Variants in MTCL2 observed in about 807,000 individuals in gnomAD.
MTCL2 encodes the protein microtubule cross-linking factor 2.
At chr20:36,810,157 A>G in the MTCL2 span, 8 of 1,537,988 alleles carry the variant, frequency 5.2e-6, no homozygotes, top group Non-Finnish European at 7.0e-6. Flanking sequence ...AGAGAGGAAG[A>G]AGTGGATAGA....
At chr20:36,823,708 T>C in the MTCL2 span, among the ~76,000 whole-genome samples, 2 of 152,136 alleles carry the variant, frequency 1.3e-5, no homozygotes, top group African/African-American at 2.4e-5. Flanking sequence ...CTTGGGATGC[T>C]GAGGCAGGAG....
At chr20:36,833,666 T>C in the MTCL2 span, among the ~76,000 whole-genome samples, 13 of 151,246 alleles carry the variant, frequency 8.6e-5, no homozygotes, top group East Asian at 1.8e-3. Flanking sequence ...CTGAGCAAAA[T>C]AGGGAGACCC....
the MTCL2 span, among the ~76,000 whole-genome samples, chr20:36,834,944 G>A: frequency 6.6e-6 from 1 of 151,716 alleles, no homozygotes; most frequent in Non-Finnish European, 1.5e-5. Context: ...AGAGGTTGCT[G>A]AGATCACACC....
chr20:36,845,254 C>A, the MTCL2 span, among the ~76,000 whole-genome samples: 3 of 152,200 alleles, frequency 2.0e-5, no homozygotes, highest in Admixed American at 6.5e-5. Context: ...TATTTCCCCC[C>A]CTAAAAGGGC....
chr20:36,850,250 A>C, the MTCL2 span, among the ~76,000 whole-genome samples: 5 of 152,070 alleles, frequency 3.3e-5, no homozygotes, highest in Non-Finnish European at 5.9e-5. Flanking sequence ...CACCTCCAGC[A>C]GAGCGCAGTG....
the MTCL2 span, among the ~76,000 whole-genome samples, chr20:36,819,127 G>A: frequency 6.6e-6 from 1 of 152,070 alleles, no homozygotes; most frequent in African/African-American, 2.4e-5. Context: ...GCCCTACAGA[G>A]GGAATTGGAG....
chr20:36,810,753 T>TCTCTCTCTCTCTCTCTCTCTCTC, the MTCL2 span, among the ~76,000 whole-genome samples: 19 of 146,626 alleles, frequency 1.3e-4, no homozygotes, highest in East Asian at 2.0e-4. Context: ...TCTCTCTCTC[T>TCTCTCTCTCTCTCTCTCTCTCTC]TTCAACGGAG....
the MTCL2 span, chr20:36,794,230 TGTG>T: frequency 6.5e-7 from 1 of 1,549,386 alleles, no homozygotes; most frequent in Non-Finnish European, 8.7e-7. This position sits in a 1 kb window ranked among gnomAD's most constrained non-coding sequence, Gnocchi z 5.4. Context: ...TGGGCTTGGC[TGTG>T]GTGAAGAGGA....
chr20:36,826,356 CTCCCCCTCCCCCCT>C, the MTCL2 span, among the ~76,000 whole-genome samples: 1 of 17,110 alleles, frequency 5.8e-5, no homozygotes, highest in African/African-American at 2.4e-4. Context: ...CCCCTCCCCC[CTCCCCCTCCCCCCT>C]CCCTCTCCTT....
the MTCL2 span, among the ~76,000 whole-genome samples, chr20:36,854,114 G>A: frequency 6.6e-6 from 1 of 152,132 alleles, no homozygotes; most frequent in African/African-American, 2.4e-5. Context: ...TCACACCCCT[G>A]CCATTCCCCC....
chr20:36,814,870 G>C, the MTCL2 span, among the ~76,000 whole-genome samples: 2 of 152,148 alleles, frequency 1.3e-5, no homozygotes, highest in African/African-American at 2.4e-5. Context: ...CTGGGTGACA[G>C]AGCGAGACTC....
chr20:36,812,699 C>A, the MTCL2 span: 2 of 1,613,914 alleles, frequency 1.2e-6, no homozygotes, highest in South Asian at 1.1e-5. Context: ...CAGGCCTAGA[C>A]CCACCTCAGA....
At chr20:36,862,138 T>A in the MTCL2 span, among the ~76,000 whole-genome samples, 2 of 152,318 alleles carry the variant, frequency 1.3e-5, no homozygotes, top group Middle Eastern at 3.4e-3. Flanking sequence ...CCAGATGTCA[T>A]GCTTTCAAAC....
the MTCL2 span, among the ~76,000 whole-genome samples, chr20:36,860,174 C>T: frequency 1.8e-4 from 27 of 152,166 alleles, no homozygotes; most frequent in African/African-American, 6.3e-4. Flanking sequence ...CTGGCCTTAG[C>T]GCTGTTCTTG....
the MTCL2 span, among the ~76,000 whole-genome samples, chr20:36,813,752 CAAAAA>C: frequency 1.2e-4 from 8 of 65,846 alleles, no homozygotes; most frequent in Non-Finnish European, 1.8e-4. Flanking sequence ...GACTCTGTCT[CAAAAA>C]AAAAAAAAAA....
At chr20:36,798,358 G>A in the MTCL2 span, among the ~76,000 whole-genome samples, 6 of 152,202 alleles carry the variant, frequency 3.9e-5, no homozygotes, top group African/African-American at 9.6e-5. Flanking sequence ...GTGAGGCACC[G>A]CGTCTGGCCG....
chr20:36,817,053 G>C, the MTCL2 span, among the ~76,000 whole-genome samples: 1 of 152,044 alleles, frequency 6.6e-6, no homozygotes, highest in African/African-American at 2.4e-5. Context: ...GATTGCTTGA[G>C]GCCAGGAGTT....
the MTCL2 span, among the ~76,000 whole-genome samples, chr20:36,855,295 A>C: frequency 6.6e-6 from 1 of 152,218 alleles, no homozygotes; most frequent in South Asian, 2.1e-4. Context: ...AGAAAGGAAA[A>C]GGCAGAGCTG....
At chr20:36,794,110 G>C in the MTCL2 span, 2 of 1,551,316 alleles carry the variant, frequency 1.3e-6, no homozygotes, top group African/African-American at 1.4e-5. This position sits in a 1 kb window ranked among gnomAD's most constrained non-coding sequence, Gnocchi z 5.4. Context: ...AGCCAGGCCC[G>C]GCCGCCGAGG....
Sources: gnomAD v4.1 joint callset for allele counts (sites outside exome capture counted in the v4.1 genomes callset) on GRCh38, gnomAD v4.1.1 for gene constraint, Gnocchi (gnomAD v3.1) non-coding constraint, MANE v1.5 for transcripts, NCBI Gene and HGNC (gene_info 2026-07-23, HGNC 2026-07-21) for gene names.